The following RBM47 variants were observed in gnomAD, a reference collection of about 807,000 sequenced individuals.
The protein encoded by RBM47 is RNA binding motif protein 47, also known as RNA-binding protein 47.
A neutral mutation model predicts 47.1 loss-of-function variants in RBM47; 21 were observed. That is an observed-to-expected ratio of 0.45 (90% confidence interval 0.32 to 0.64). The LOEUF is 0.64. Among genes scored for constraint, RBM47 ranks in the 30% least tolerant of loss-of-function variants. The probability of loss-of-function intolerance (pLI) is 0.05; values close to 1 mark genes in which losing one functional copy is unlikely to be tolerated. For missense variants in RBM47, 708 were observed against 870.9 expected (o/e 0.81, Z 2.35); for synonymous variants, 375 against 361.7 (o/e 1.04, Z -0.42).
chr4:40,528,929 C>T (rs1427179951), intron 2 of RBM47, among the ~76,000 whole-genome samples: 11 of 143,214 alleles, frequency 7.7e-5, no homozygotes, highest in African/African-American at 2.5e-4. Flanking sequence ...GGCGACAGAG[C>T]GAGACTCCGT....
intron 1 of RBM47, among the ~76,000 whole-genome samples, chr4:40,576,261 G>GC (rs1732314562): frequency 1.5e-5 from 2 of 137,258 alleles, no homozygotes; most frequent in African/African-American, 5.4e-5. Flanking sequence ...TTTTTTGGGG[G>GC]GGGGCGGAGA....
intron 1 of RBM47, 84 bp downstream of exon 1, chr4:40,629,312 G>T (rs1466299416): frequency 3.9e-5 from 6 of 151,940 alleles, no homozygotes; most frequent in African/African-American, 1.5e-4. Context: ...AGAAGAATAA[G>T]AAAAAAATAT....
chr4:40,440,682 ATGTT>A (rs1577636506), intron 3 of RBM47, among the ~76,000 whole-genome samples: 1 of 152,292 alleles, frequency 6.6e-6, no homozygotes, highest in East Asian at 1.9e-4. Flanking sequence ...CAGACTGCAT[ATGTT>A]TGTTTGTGAA....
At chr4:40,452,098 A>T (rs928134232) in intron 3 of RBM47, among the ~76,000 whole-genome samples, 3 of 151,368 alleles carry the variant, frequency 2.0e-5, no homozygotes, top group Non-Finnish European at 2.9e-5. Context: ...TGAACCCAGG[A>T]GGTAGAGGCT....
intron 1 of RBM47, among the ~76,000 whole-genome samples, chr4:40,611,712 G>C (rs1254966021): frequency 6.6e-6 from 1 of 151,796 alleles, no homozygotes; most frequent in Admixed American, 6.6e-5. Context: ...TGGGCAACAA[G>C]AGCAAAACTC....
chr4:40,556,834 G>C (rs1031520983), intron 1 of RBM47, among the ~76,000 whole-genome samples: 20 of 152,208 alleles, frequency 1.3e-4, no homozygotes, highest in Admixed American at 6.5e-5. Context: ...AGGTTGCAGT[G>C]AGCTGAGTTT....
chr4:40,506,822 C>T (rs1166570453), intron 2 of RBM47, among the ~76,000 whole-genome samples: 1 of 152,166 alleles, frequency 6.6e-6, no homozygotes. Context: ...GGCTTGAACG[C>T]CTCTCTCCAA....
chr4:40,600,542 G>A (rs892671341), intron 1 of RBM47, among the ~76,000 whole-genome samples: 3 of 151,406 alleles, frequency 2.0e-5, no homozygotes, highest in African/African-American at 7.3e-5. Context: ...GCTGAGGCAG[G>A]AGAATGGCGT....
At chr4:40,470,756 T>TTTAAGAGGCAGAGTCTC (rs1455208001) in intron 2 of RBM47, among the ~76,000 whole-genome samples, 2 of 152,188 alleles carry the variant, frequency 1.3e-5, no homozygotes, top group Non-Finnish European at 2.9e-5. Context: ...TCTTTATTTT[T>TTTAAGAGGCAGAGTCTC]TTAAGAGGCA....
chr4:40,493,343 T>C (rs969734428), intron 2 of RBM47, among the ~76,000 whole-genome samples: 1 of 152,058 alleles, frequency 6.6e-6, no homozygotes, highest in African/African-American at 2.4e-5. Context: ...ATTCTCTTCA[T>C]GGTTGAGGAG....
At position 40,425,879 on chromosome 4, in the gene RBM47, T is replaced by C; in HGVS notation, c.*25A>G. Reference sequence around the variant, plus strand: ...CGTTCCTTCAGTGGTGTTTGTGTGGTCTGTCTTCGTGCTGGTCACCAGCCT... The same window carrying C: ...CGTTCCTTCAGTGGTGTTTGTGTGGCCTGTCTTCGTGCTGGTCACCAGCCT... On this transcript the variant is annotated 3_prime_UTR_variant, in exon 7 of 7. Transcript: ENST00000295971. The C allele has an allele frequency of 6.2e-7, 1 of 1,607,288 alleles. No individual in the cohort carries two copies. Among genetic ancestry groups the C allele is most frequent in the Non-Finnish European group, 8.5e-7 (1 of 1,174,646 alleles).
At position 40,424,291 on chromosome 4, in the gene RBM47, A is replaced by ACCTCAC. The variant is rs1714737336; in HGVS notation, c.*1607_*1612dup. 1 of 152,632 alleles carries ACCTCAC rather than the reference A, an allele frequency of 6.6e-6. No homozygotes were observed. Among genetic ancestry groups the ACCTCAC allele is most frequent in the East Asian group, 1.9e-4 (1 of 5,194 alleles). The allele number at this position is 152,632 out of a possible 1,614,324, so 9.5% of individuals were successfully genotyped here. ...CGTTTTACTTGCTACCTTATTGCAC[A>ACCTCAC]CCTCACTTCCTTGATTGAGCCTTTA... On this transcript the variant is annotated 3_prime_UTR_variant, in exon 7 of 7. Transcript: ENST00000295971.
chr4:40,591,370 A>T (rs78886757), intron 1 of RBM47, among the ~76,000 whole-genome samples: 1 of 152,156 alleles, frequency 6.6e-6, no homozygotes, highest in Admixed American at 6.5e-5. Flanking sequence ...AAAAAAGGCA[A>T]CAACATCTGG....
chr4:40,529,738 A>T (rs1327464467), intron 2 of RBM47, among the ~76,000 whole-genome samples: 1 of 149,530 alleles, frequency 6.7e-6, no homozygotes. Context: ...CTGAAACAGG[A>T]GAATTGCCTG....
chr4:40,508,979 G>A (rs543837750), intron 2 of RBM47, among the ~76,000 whole-genome samples: 143 of 152,200 alleles, frequency 9.4e-4, no homozygotes, highest in African/African-American at 3.3e-3. Context: ...TGGCCAACAT[G>A]GTGAAACCCT....
At chr4:40,434,007 G>A (rs796169436) in intron 5 of RBM47, among the ~76,000 whole-genome samples, 2,751 of 25,980 alleles carry the variant, frequency 0.11, 585 homozygotes, top group East Asian at 0.34. Context: ...GCGGGGGTGT[G>A]TGTGTGTGTG....
chr4:40,470,417 G>A (rs184919585), intron 2 of RBM47, among the ~76,000 whole-genome samples: 96 of 152,246 alleles, frequency 6.3e-4, no homozygotes, highest in Non-Finnish European at 2.5e-4. Flanking sequence ...AACACATGGG[G>A]GGACTTGAGG....
chr4:40,506,721 A>G (rs1021854788), intron 2 of RBM47, among the ~76,000 whole-genome samples: 3 of 152,198 alleles, frequency 2.0e-5, no homozygotes, highest in African/African-American at 7.2e-5. Context: ...CTTGGGTGCT[A>G]GAAACCAGTT....
chr4:40,565,324 T>A (rs956728193), intron 1 of RBM47, among the ~76,000 whole-genome samples: 2 of 152,192 alleles, frequency 1.3e-5, no homozygotes, highest in African/African-American at 2.4e-5. Flanking sequence ...CCAACATGCA[T>A]CTGCTAGCCA....
Sources: allele counts gnomAD v4.1 joint callset (sites outside exome capture counted in the v4.1 genomes callset), GRCh38; gene constraint gnomAD v4.1.1; transcripts MANE v1.5; gene names NCBI Gene and HGNC (gene_info 2026-07-23, HGNC 2026-07-21).